LRRC4C: variants seen among roughly 807,000 people sequenced by gnomAD.
LRRC4C encodes the protein leucine rich repeat containing 4C, also known as leucine-rich repeat-containing protein 4C.
A neutral mutation model predicts 33.6 loss-of-function variants in LRRC4C; 5 were observed. The observed-to-expected ratio is 0.15, with a 90% CI of 0.08 to 0.31. The LOEUF (loss-of-function observed/expected upper bound fraction) is 0.31, where lower values mean the gene tolerates loss of function less well. Ranked by LOEUF, LRRC4C falls within the 10% of genes least tolerant of loss-of-function variation. The pLI is 1.00. For missense variants in LRRC4C, 560 were observed against 796.7 expected (o/e 0.70, Z 3.58); for synonymous variants, 329 against 302.0 (o/e 1.09, Z -0.93).
rs891533508 is a variant in LRRC4C at position 40,892,034 on chromosome 11, C to T, written c.-407+41601G>A. Reference sequence around the variant, plus strand: ...CCTGTAGTCCCAGCTACTCGGGAGGCTGAGGCAGGAGAATAACTTGAACCC... The same window carrying T: ...CCTGTAGTCCCAGCTACTCGGGAGGTTGAGGCAGGAGAATAACTTGAACCC... On this transcript the variant is annotated intron_variant, in intron 2 of 6. Coordinates refer to ENST00000528697, the MANE Select transcript of LRRC4C (RefSeq NM_001258419.2). Among the ~76,000 whole-genome samples, 7 of 149,960 alleles carry T rather than the reference C, an allele frequency of 4.7e-5. No homozygotes were observed. The East Asian group carries it at 1.4e-3, about 30-fold the overall frequency.
At chr11:41,346,906 C>G (rs556791413) in intron 1 of LRRC4C, among the ~76,000 whole-genome samples, 2 of 152,284 alleles carry the variant, frequency 1.3e-5, no homozygotes, top group African/African-American at 4.8e-5. Context: ...CAATTGCTCT[C>G]AAGTTCAAAA....
intron 4 of LRRC4C, among the ~76,000 whole-genome samples, chr11:40,243,032 C>T (rs760056868): frequency 3.9e-5 from 6 of 152,136 alleles, no homozygotes; most frequent in Non-Finnish European, 7.4e-5. Context: ...CTTTCTGCAA[C>T]CAAATAACTG....
chr11:40,598,736 T>C (rs763483223), intron 3 of LRRC4C, among the ~76,000 whole-genome samples: 1 of 152,140 alleles, frequency 6.6e-6, no homozygotes, highest in African/African-American at 2.4e-5. Flanking sequence ...GAGGAAAAGA[T>C]GGGAACAGGG....
At chr11:40,655,310 A>G (rs974542442) in intron 2 of LRRC4C, among the ~76,000 whole-genome samples, 1 of 152,228 alleles carries the variant, frequency 6.6e-6, no homozygotes, top group Non-Finnish European at 1.5e-5. Flanking sequence ...TCATAATAAC[A>G]CAAAGGCTAT....
chr11:40,810,110 A>G (rs938163426), intron 2 of LRRC4C, among the ~76,000 whole-genome samples: 3 of 152,054 alleles, frequency 2.0e-5, no homozygotes, highest in Non-Finnish European at 2.9e-5. Context: ...TAGACTTTGT[A>G]TGGATTTCCA....
intron 1 of LRRC4C, among the ~76,000 whole-genome samples, chr11:41,135,607 A>T (rs891517495): frequency 1.3e-5 from 2 of 152,152 alleles, no homozygotes; most frequent in Non-Finnish European, 2.9e-5. Context: ...TTGTATGTAA[A>T]ATTGGGATAG....
chr11:41,239,740 G>T (rs1266928323), intron 1 of LRRC4C, among the ~76,000 whole-genome samples: 1 of 151,922 alleles, frequency 6.6e-6, no homozygotes, highest in East Asian at 1.9e-4. Flanking sequence ...GAGTTCCAAG[G>T]TCAGGGATTT....
intron 2 of LRRC4C, among the ~76,000 whole-genome samples, chr11:40,896,798 G>T (rs555516300): frequency 6.6e-6 from 1 of 151,998 alleles, no homozygotes; most frequent in Non-Finnish European, 1.5e-5. Context: ...CAAGGTATGC[G>T]CATCTACTTA....
chr11:41,020,553 G>C (rs561944744), intron 1 of LRRC4C, among the ~76,000 whole-genome samples: 1 of 152,198 alleles, frequency 6.6e-6, no homozygotes, highest in African/African-American at 2.4e-5. Flanking sequence ...AGCAGAGATT[G>C]AGGTCATGCA....
intron 3 of LRRC4C, among the ~76,000 whole-genome samples, chr11:40,492,040 T>C (rs1343756843): frequency 6.6e-6 from 1 of 152,204 alleles, no homozygotes; most frequent in Non-Finnish European, 1.5e-5. Context: ...GTCTTGCACA[T>C]ACACCTAATT....
At chr11:40,882,073 T>C (rs1375039554) in intron 2 of LRRC4C, among the ~76,000 whole-genome samples, 1 of 152,046 alleles carries the variant, frequency 6.6e-6, no homozygotes, top group Non-Finnish European at 1.5e-5. Flanking sequence ...AGCTGTGCCA[T>C]CGAGGCATGA....
At chr11:40,278,318 G>A (rs181693653) in intron 4 of LRRC4C, among the ~76,000 whole-genome samples, 12 of 152,246 alleles carry the variant, frequency 7.9e-5, no homozygotes, top group East Asian at 7.7e-4. Context: ...CTGGAATGGC[G>A]TATGTCACTG....
intron 1 of LRRC4C, among the ~76,000 whole-genome samples, chr11:41,167,838 A>C (rs923017953): frequency 6.6e-6 from 1 of 152,118 alleles, no homozygotes; most frequent in Non-Finnish European, 1.5e-5. Flanking sequence ...AATAAACACT[A>C]ATTATGTACT....
intron 2 of LRRC4C, among the ~76,000 whole-genome samples, chr11:40,686,844 C>T (rs1035805905): frequency 6.6e-6 from 1 of 151,812 alleles, no homozygotes; most frequent in Non-Finnish European, 1.5e-5. Flanking sequence ...TCTCAACACT[C>T]CAAGAGACAT....
At chr11:41,116,773 A>C (rs1331787648) in intron 1 of LRRC4C, among the ~76,000 whole-genome samples, 1 of 152,106 alleles carries the variant, frequency 6.6e-6, no homozygotes, top group Non-Finnish European at 1.5e-5. Flanking sequence ...TATCCTGATA[A>C]TTTTGATTAA....
At chr11:41,317,326 G>T (rs547156980) in intron 1 of LRRC4C, among the ~76,000 whole-genome samples, 15 of 151,966 alleles carry the variant, frequency 9.9e-5, no homozygotes, top group African/African-American at 3.6e-4. Flanking sequence ...ATGAGATTAT[G>T]CATTTTAACT....
chr11:41,104,512 T>G (rs1941381679), intron 1 of LRRC4C, among the ~76,000 whole-genome samples: 1 of 151,918 alleles, frequency 6.6e-6, no homozygotes, highest in Non-Finnish European at 1.5e-5. Context: ...ATACTGCAGG[T>G]GGGAAAATGA....
intron 3 of LRRC4C, among the ~76,000 whole-genome samples, chr11:40,374,869 C>A (rs544461474): frequency 2.0e-5 from 3 of 152,200 alleles, no homozygotes; most frequent in Non-Finnish European, 2.9e-5. Context: ...ACTTTGGGAC[C>A]ACTTCTTCAA....
intron 2 of LRRC4C, among the ~76,000 whole-genome samples, chr11:40,817,498 TTAG>T (rs1379971802): frequency 5.3e-5 from 8 of 152,174 alleles, no homozygotes; most frequent in African/African-American, 1.9e-4. Context: ...TTAGTAGAAC[TTAG>T]TAGTTGATGC....
Sources: gnomAD v4.1 joint callset for allele counts (sites outside exome capture counted in the v4.1 genomes callset) on GRCh38, gnomAD v4.1.1 for gene constraint, MANE v1.5 for transcripts, NCBI Gene and HGNC (gene_info 2026-07-23, HGNC 2026-07-21) for gene names.